ST8SIA6: variants seen among roughly 807,000 people sequenced by gnomAD.
ST8SIA6 encodes ST8 alpha-N-acetyl-neuraminide alpha-2,8-sialyltransferase 6.
ST8SIA6 carries 39 observed loss-of-function variants against 33.6 expected under a neutral mutation model. That is an observed-to-expected ratio of 1.16 (90% CI 0.90 to 1.52). The LOEUF is 1.52. ST8SIA6 is among the 40% of genes most tolerant of loss of function. The pLI is 0.00. For synonymous variants in ST8SIA6, 172 were observed against 167.2 expected (o/e 1.03, Z -0.22); for missense variants, 441 against 443.8 (o/e 0.99, Z 0.06).
intron 3 of ST8SIA6, among the ~76,000 whole-genome samples, chr10:17,360,150 C>A (rs1849333162): frequency 6.6e-6 from 1 of 152,108 alleles, no homozygotes; most frequent in East Asian, 1.9e-4. Context: ...TGAGCAGGAT[C>A]CCAGTCCCTG....
At position 17,329,295 on chromosome 10, in the gene ST8SIA6, C is replaced by T. The variant is rs572791606; in HGVS notation, c.522+2113G>A. Among the ~76,000 whole-genome samples the T allele has an allele frequency of 1.2e-3, 179 of 152,276 alleles. 2 individuals carry two copies. The highest frequency in any genetic ancestry group is 1.8e-3 in the Non-Finnish European group (120 of 68,014). On this transcript the variant is annotated intron_variant, in intron 5 of 7. Coordinates refer to ENST00000377602, the MANE Select transcript of ST8SIA6 (RefSeq NM_001004470.3). ...AAAATGGAGGCATGAGTCCAAGTAA[C>T]AGCTAGAAAGTGGCAGAACTGGGAT...
intron 2 of ST8SIA6, among the ~76,000 whole-genome samples, chr10:17,423,133 C>T (rs1281673869): frequency 6.6e-6 from 1 of 152,144 alleles, no homozygotes; most frequent in Non-Finnish European, 1.5e-5. Flanking sequence ...AATTATGCAG[C>T]CAAATTAGCA....
chr10:17,374,752 A>AT (rs1849849394), intron 3 of ST8SIA6, among the ~76,000 whole-genome samples: 1 of 123,310 alleles, frequency 8.1e-6, no homozygotes, highest in Admixed American at 8.1e-5. Context: ...ATAAATAATA[A>AT]ATATATATAT....
chr10:17,396,688 A>G (rs538560268), intron 2 of ST8SIA6, among the ~76,000 whole-genome samples: 3 of 152,162 alleles, frequency 2.0e-5, no homozygotes, highest in Admixed American at 6.5e-5. Context: ...CCCTTTCCCT[A>G]CCACAGTCCT....
At chr10:17,402,338 A>C (rs1282087316) in intron 2 of ST8SIA6, among the ~76,000 whole-genome samples, 2 of 152,248 alleles carry the variant, frequency 1.3e-5, no homozygotes, top group Non-Finnish European at 2.9e-5. Flanking sequence ...GTGGGACTGT[A>C]AACTAGTTCA....
intron 4 of ST8SIA6, among the ~76,000 whole-genome samples, chr10:17,351,963 T>G (rs1427785621): frequency 3.9e-5 from 6 of 152,092 alleles, no homozygotes; most frequent in Non-Finnish European, 5.9e-5. Context: ...TCAAGATCCA[T>G]TGCACAACAT....
At chr10:17,369,126 T>C (rs1184652692) in intron 3 of ST8SIA6, among the ~76,000 whole-genome samples, 1 of 152,228 alleles carries the variant, frequency 6.6e-6, no homozygotes, top group East Asian at 1.9e-4. Context: ...TCACCCATCA[T>C]ATATGTACTG....
At chr10:17,433,792 G>A (rs1036568671) in intron 2 of ST8SIA6, among the ~76,000 whole-genome samples, 1 of 152,198 alleles carries the variant, frequency 6.6e-6, no homozygotes, top group African/African-American at 2.4e-5. Context: ...AAACCTGTGA[G>A]ATAATGCCTG....
intron 3 of ST8SIA6, among the ~76,000 whole-genome samples, chr10:17,373,849 C>T (rs1313787609): frequency 2.0e-5 from 3 of 152,138 alleles, no homozygotes; most frequent in Non-Finnish European, 4.4e-5. Flanking sequence ...AGGAAGCCTT[C>T]TGATATGAAT....
At chr10:17,376,719 GC>G (rs1005766997) in intron 3 of ST8SIA6, among the ~76,000 whole-genome samples, 3 of 152,134 alleles carry the variant, frequency 2.0e-5, no homozygotes, top group Non-Finnish European at 4.4e-5. Context: ...GAGCGAACTA[GC>G]AGTGATAAGA....
intron 3 of ST8SIA6, among the ~76,000 whole-genome samples, chr10:17,368,501 TAGC>T (rs2131628942): frequency 6.7e-6 from 1 of 149,950 alleles, no homozygotes; most frequent in African/African-American, 2.4e-5. Context: ...CATACATTAA[TAGC>T]ATGTTAAAGT....
At chr10:17,409,570 C>CA (rs548750251) in intron 2 of ST8SIA6, 86 of 142,680 alleles carry the variant, frequency 6.0e-4, no homozygotes, top group South Asian at 3.1e-3. Context: ...CTGCCTATAC[C>CA]AAAAAAAAAA....
At chr10:17,426,336 A>G (rs1588914117) in intron 2 of ST8SIA6, among the ~76,000 whole-genome samples, 1 of 152,188 alleles carries the variant, frequency 6.6e-6, no homozygotes, top group African/African-American at 2.4e-5. Context: ...CTAGGAGGCA[A>G]TTAAAACAGA....
rs529766119 is a variant in ST8SIA6 at position 17,374,141 on chromosome 10, C to T, written c.291-14541G>A. On this transcript the variant is annotated intron_variant, in intron 3 of 7. Coordinates refer to ENST00000377602, the MANE Select transcript of ST8SIA6 (RefSeq NM_001004470.3). ...GGAAAAGTAGTCTATTTCTCATCCT[C>T]CCACTAACAGATTGCGTGACTTTGA... Among the ~76,000 whole-genome samples the T allele has an allele frequency of 1.4e-4, 21 of 150,824 alleles. No homozygotes were observed. In the South Asian group the frequency reaches 4.2e-3, roughly 30 times the overall value.
At chr10:17,386,913 C>T (rs1490196165) in intron 3 of ST8SIA6, 2 of 152,318 alleles carry the variant, frequency 1.3e-5, no homozygotes, top group Non-Finnish European at 1.5e-5. Flanking sequence ...ACGTAAGCCG[C>T]CTTGCGCCTT....
chr10:17,380,229 T>C (rs1850081606), intron 3 of ST8SIA6, among the ~76,000 whole-genome samples: 1 of 152,206 alleles, frequency 6.6e-6, no homozygotes, highest in South Asian at 2.1e-4. Context: ...TTTTTCCTGC[T>C]TCTAGCATGG....
chr10:17,420,180 G>A (rs1334769912), intron 2 of ST8SIA6, among the ~76,000 whole-genome samples: 5 of 152,212 alleles, frequency 3.3e-5, no homozygotes, highest in Admixed American at 1.3e-4. Flanking sequence ...TTCGGAGGCC[G>A]AGACGGGCGG....
In ST8SIA6 at chr10:17,417,904, C is replaced by G. The variant is rs1471931241; in HGVS notation, c.201-27284G>C. Among the ~76,000 whole-genome samples, 4 of 152,020 alleles carry G rather than the reference C, an allele frequency of 2.6e-5. No individual in the cohort carries two copies. The East Asian group carries it at 7.7e-4, about 29-fold the overall frequency. On this transcript the variant is annotated intron_variant, in intron 2 of 7. Transcript: ENST00000377602. The stretch of plus-strand genomic sequence containing the variant: ...GTTGTCAGTCAAAAATAATAAAGTA[C>G]AGAGGTGTATGTGAGGAGGTAGGGG...
chr10:17,331,212 A>G (rs1369846841), intron 5 of ST8SIA6, among the ~76,000 whole-genome samples, 196 bp downstream of exon 5: 1 of 152,222 alleles, frequency 6.6e-6, no homozygotes, highest in Non-Finnish European at 1.5e-5. Context: ...CATTTAAGAT[A>G]TAAATAATCC....
Sources: gnomAD v4.1 joint callset for allele counts (sites outside exome capture counted in the v4.1 genomes callset) on GRCh38, gnomAD v4.1.1 for gene constraint, MANE v1.5 for transcripts, NCBI Gene and HGNC (gene_info 2026-07-23, HGNC 2026-07-21) for gene names.